Variants in CNGB3 observed in about 807,000 individuals in gnomAD.
CNGB3 encodes cyclic nucleotide gated channel subunit beta 3, also known as cyclic nucleotide-gated channel beta-3.
CNGB3 carries 86 observed loss-of-function variants against 92.8 expected under a neutral mutation model. The observed-to-expected ratio is 0.93, with a 90% CI of 0.78 to 1.11. The LOEUF is 1.11. Ranked by LOEUF, CNGB3 falls within the 50% of genes least tolerant of loss-of-function variation. CNGB3 has a pLI of 0.00. For missense variants in CNGB3, 1,026 were observed against 956.8 expected, an observed-to-expected ratio of 1.07 and a Z score of -0.95; for synonymous variants, 333 against 332.7, an observed-to-expected ratio of 1.00 and a Z score of -0.01.
In CNGB3 at chr8:86,704,887, T is replaced by G. The variant is rs1270596524; in HGVS notation, c.338+21644A>C. 2.0e-5 allele frequency among the ~76,000 whole-genome samples: 3 copies of G among 152,338 alleles called. No individual in the cohort carries two copies. In the East Asian group the frequency reaches 5.8e-4, roughly 29 times the overall value. On this transcript the variant is annotated intron_variant, in intron 3 of 17. Transcript: ENST00000320005. ...TTTAAAATACCGTCTATTTTTTTCT[T>G]TTTTTGAAGTAACATCTGTGTCATC...
At chr8:86,619,563 G>C (rs1476689339) in intron 13 of CNGB3, among the ~76,000 whole-genome samples, 2 of 151,994 alleles carry the variant, frequency 1.3e-5, no homozygotes, top group African/African-American at 2.4e-5. Flanking sequence ...GTGAAAATCT[G>C]TGACTCTAAT....
intron 17 of CNGB3, among the ~76,000 whole-genome samples, chr8:86,577,485 A>G (rs1821682099): frequency 6.6e-6 from 1 of 152,206 alleles, no homozygotes; most frequent in Admixed American, 6.5e-5. Flanking sequence ...TAAATTTTCC[A>G]CAAACAGCAA....
intron 3 of CNGB3, among the ~76,000 whole-genome samples, chr8:86,679,399 C>A (rs1306894793): frequency 6.6e-6 from 1 of 152,022 alleles, no homozygotes; most frequent in Non-Finnish European, 1.5e-5. Context: ...AGTCCTAACC[C>A]CTAATGTGAC....
Position 86,668,173 on chromosome 8 carries a change from A to G in CNGB3, c.494-5T>C. On this transcript the variant is annotated splice_polypyrimidine_tract_variant and splice_region_variant and intron_variant, in intron 4 of 17. Coordinates refer to ENST00000320005, the MANE Select transcript of CNGB3 (RefSeq NM_019098.5). Reference sequence around the variant, plus strand: ...GTGGTACAGCCGTGGGCTTTGCTTCATAGGGAAAAAAAAAAAGATGAAACA... The same window carrying G: ...GTGGTACAGCCGTGGGCTTTGCTTCGTAGGGAAAAAAAAAAAGATGAAACA... 6.2e-7 allele frequency: 1 copy of G among 1,603,788 alleles called. No homozygotes were observed.
At chr8:86,614,474 G>A (rs1822577064) in intron 13 of CNGB3, among the ~76,000 whole-genome samples, 1 of 152,092 alleles carries the variant, frequency 6.6e-6, no homozygotes, top group African/African-American at 2.4e-5. Flanking sequence ...GGTTGAGCAC[G>A]AGTGTTACCC....
chr8:86,738,976 G>C (rs1825292876), intron 2 of CNGB3, among the ~76,000 whole-genome samples: 1 of 152,152 alleles, frequency 6.6e-6, no homozygotes, highest in African/African-American at 2.4e-5. Context: ...CTGAAAGAAT[G>C]ATAGTACCAG....
intron 3 of CNGB3, among the ~76,000 whole-genome samples, chr8:86,689,647 G>C (rs751174932): frequency 4.0e-5 from 6 of 151,660 alleles, no homozygotes; most frequent in Non-Finnish European, 1.5e-5. Flanking sequence ...GTGCCATGTT[G>C]ATGTGCTGCA....
intron 6 of CNGB3, chr8:86,659,139 C>A: frequency 1.4e-6 from 1 of 710,004 alleles, no homozygotes; most frequent in Non-Finnish European, 2.5e-6. Flanking sequence ...CTCCTGTACC[C>A]GAGTCATGCT....
At chr8:86,629,502 G>T (rs1454918715) in intron 11 of CNGB3, among the ~76,000 whole-genome samples, 2 of 152,200 alleles carry the variant, frequency 1.3e-5, no homozygotes, top group East Asian at 1.9e-4. Flanking sequence ...TGCAATAAAA[G>T]TTGAGCAATT....
intron 11 of CNGB3, among the ~76,000 whole-genome samples, chr8:86,630,483 T>C (rs1341314432): frequency 1.3e-5 from 2 of 152,184 alleles, no homozygotes; most frequent in Non-Finnish European, 2.9e-5. Context: ...CTATAATGGA[T>C]TGCAGGCTAG....
intron 3 of CNGB3, among the ~76,000 whole-genome samples, chr8:86,689,977 GT>G (rs559189945): frequency 1.0e-3 from 157 of 152,268 alleles, no homozygotes; most frequent in African/African-American, 3.7e-3. Context: ...GGACATTTGG[GT>G]TGGTTCCAAG....
rs182250968 is a variant in CNGB3, at chr8:86,601,303, G to A, written c.1781+2790C>T. On this transcript the variant is annotated intron_variant, in intron 15 of 17. Transcript: ENST00000320005. ...GAATAAGACTTGGGACTAAATGTACGTGTAAGGAAAATGATGGACCTGGAA... is the reference window on the plus strand; with the variant it reads ...GAATAAGACTTGGGACTAAATGTACATGTAAGGAAAATGATGGACCTGGAA... Among the ~76,000 whole-genome samples, 25 of 152,298 alleles carry A rather than the reference G, an allele frequency of 1.6e-4. No homozygotes were observed. The East Asian group carries it at 4.8e-3, about 29-fold the overall frequency.
At chr8:86,721,026 G>T (rs565875379) in intron 3 of CNGB3, among the ~76,000 whole-genome samples, 1 of 152,060 alleles carries the variant, frequency 6.6e-6, no homozygotes, top group South Asian at 2.1e-4. Flanking sequence ...AAGTGCAGTG[G>T]CATGATCTTG....
intron 10 of CNGB3, among the ~76,000 whole-genome samples, chr8:86,640,098 A>G (rs183579324): frequency 4.9e-4 from 75 of 152,058 alleles, no homozygotes; most frequent in African/African-American, 1.6e-3. Context: ...CAAATCTTTT[A>G]TATGTTTATT....
intron 3 of CNGB3, among the ~76,000 whole-genome samples, chr8:86,698,570 C>T (rs1033897552): frequency 9.9e-5 from 15 of 152,158 alleles, no homozygotes; most frequent in African/African-American, 3.6e-4. Flanking sequence ...AGCTTTTCAT[C>T]CCACAATTAG....
At chr8:86,632,526 A>G (rs1383415606) in intron 11 of CNGB3, among the ~76,000 whole-genome samples, 1 of 152,178 alleles carries the variant, frequency 6.6e-6, no homozygotes, top group Non-Finnish European at 1.5e-5. Flanking sequence ...TGAGAGTTCA[A>G]ACTATGCTAT....
chr8:86,677,345 T>C (rs1252015236), intron 3 of CNGB3, among the ~76,000 whole-genome samples: 1 of 152,158 alleles, frequency 6.6e-6, no homozygotes, highest in Non-Finnish European at 1.5e-5. Flanking sequence ...GTAAGAGAAA[T>C]AGCAATACAT....
At chr8:86,576,823 AT>A (rs759708580) in intron 17 of CNGB3, among the ~76,000 whole-genome samples, 71 of 152,284 alleles carry the variant, frequency 4.7e-4, no homozygotes, top group South Asian at 1.7e-3. Context: ...ACTCCCATAC[AT>A]TTTTTATGCA....
chr8:86,616,896 A>G (rs1268581961), intron 13 of CNGB3, among the ~76,000 whole-genome samples: 1 of 152,142 alleles, frequency 6.6e-6, no homozygotes, highest in East Asian at 1.9e-4. Context: ...TTTTATCTAC[A>G]CTTGGAGCAA....
Sources: gnomAD v4.1 joint callset for allele counts (sites outside exome capture counted in the v4.1 genomes callset) on GRCh38, gnomAD v4.1.1 for gene constraint, MANE v1.5 for transcripts, NCBI Gene and HGNC (gene_info 2026-07-23, HGNC 2026-07-21) for gene names.